Variants in PTPRG observed in about 807,000 individuals in gnomAD.
PTPRG encodes protein tyrosine phosphatase receptor type G, also known as receptor-type tyrosine-protein phosphatase gamma.
Under a neutral mutation model 165.3 loss-of-function variants are expected in PTPRG, and 102 were observed. The observed-to-expected ratio is 0.62, with a 90% CI of 0.53 to 0.73. The LOEUF (loss-of-function observed/expected upper bound fraction) is 0.73. PTPRG is among the 30% of genes least tolerant of loss of function. PTPRG has a pLI of 0.00. For missense variants in PTPRG, 1,866 were observed against 1,861.4 expected (o/e 1.00, Z -0.05); for synonymous variants, 675 against 669.5 (o/e 1.01, Z -0.13).
chr3:62,230,383 A>C (rs1700872473), intron 13 of PTPRG, among the ~76,000 whole-genome samples: 1 of 152,234 alleles, frequency 6.6e-6, no homozygotes, highest in Non-Finnish European at 1.5e-5. Context: ...GGGACTCAAC[A>C]GAACTTCCAA....
intron 5 of PTPRG, among the ~76,000 whole-genome samples, chr3:62,102,263 T>TCCTTTCTTC (rs1160012111): frequency 2.0e-5 from 3 of 152,046 alleles, no homozygotes; most frequent in Admixed American, 6.6e-5. Flanking sequence ...TTCCTTTCTT[T>TCCTTTCTTC]CCTTTCTTCC....
chr3:61,931,259 C>T (rs369266257), intron 2 of PTPRG, among the ~76,000 whole-genome samples: 5 of 152,152 alleles, frequency 3.3e-5, no homozygotes, highest in African/African-American at 4.8e-5. Flanking sequence ...GAAGGTTTTG[C>T]GATGTTGAGC....
At chr3:62,103,106 A>G (rs998998145) in intron 5 of PTPRG, among the ~76,000 whole-genome samples, 4 of 152,062 alleles carry the variant, frequency 2.6e-5, no homozygotes, top group Non-Finnish European at 5.9e-5. Flanking sequence ...TTTTTAAAAT[A>G]GACATTTTTT....
At chr3:61,813,474 C>T (rs1173729511) in intron 2 of PTPRG, among the ~76,000 whole-genome samples, 2 of 145,504 alleles carry the variant, frequency 1.4e-5, no homozygotes, top group Non-Finnish European at 3.0e-5. Flanking sequence ...TGAGATCGTG[C>T]CACTGCACTC....
intron 2 of PTPRG, among the ~76,000 whole-genome samples, chr3:61,855,429 T>G (rs1575725282): frequency 6.6e-6 from 1 of 152,176 alleles, no homozygotes; most frequent in African/African-American, 2.4e-5. Flanking sequence ...AACAGCAGGA[T>G]TCTTGCCCAA....
At chr3:61,627,221 C>T (rs78604505) in intron 1 of PTPRG, among the ~76,000 whole-genome samples, 4,520 of 151,938 alleles carry the variant, frequency 0.03, 224 homozygotes, top group African/African-American at 0.1. Context: ...TAAAAGAGTC[C>T]GTATCTTTTA....
intron 1 of PTPRG, among the ~76,000 whole-genome samples, chr3:61,567,227 TG>T (rs1699934074): frequency 6.6e-6 from 1 of 152,164 alleles, no homozygotes; most frequent in Non-Finnish European, 1.5e-5. Flanking sequence ...ATTTTCCACC[TG>T]AGCTTGATCT....
chr3:61,618,269 AAATT>A (rs962051411), intron 1 of PTPRG, among the ~76,000 whole-genome samples: 41 of 152,332 alleles, frequency 2.7e-4, no homozygotes, highest in African/African-American at 9.1e-4. Flanking sequence ...AAAATATAAA[AAATT>A]AAATAAAGTT....
intron 8 of PTPRG, among the ~76,000 whole-genome samples, chr3:62,174,504 G>A (rs534250831): frequency 1.1e-3 from 169 of 152,264 alleles, no homozygotes; most frequent in Non-Finnish European, 2.2e-3. Context: ...ATTGCTTCCT[G>A]TTTTGGTTAA....
At chr3:62,126,839 G>A (rs556688302) in intron 5 of PTPRG, among the ~76,000 whole-genome samples, 5 of 152,026 alleles carry the variant, frequency 3.3e-5, no homozygotes, top group African/African-American at 4.8e-5. Flanking sequence ...ATTCCTCTCC[G>A]ACTTATTTCA....
chr3:61,775,530 T>A lies in PTPRG; in HGVS notation c.190+26548T>A, dbSNP rs567612105. 3.3e-5 allele frequency among the ~76,000 whole-genome samples: 5 copies of A among 152,300 alleles called. No individual in the cohort carries two copies. The East Asian group carries it at 9.7e-4, about 29-fold the overall frequency. ...AAATGCTAACCTCATAATGGAAATC[T>A]TCTTTTTGATAATTTAGTCGATATT... On this transcript the variant is annotated intron_variant, in intron 2 of 29. Coordinates refer to ENST00000474889, the MANE Select transcript of PTPRG (RefSeq NM_002841.4).
rs551325778 is a variant in PTPRG at position 61,705,558 on chromosome 3, G to C, written c.86-43320G>C. Among the ~76,000 whole-genome samples the C allele has an allele frequency of 3.3e-5, 5 of 152,230 alleles. No individual in the cohort carries two copies. The South Asian group carries it at 1.0e-3, about 32-fold the overall frequency. On this transcript the variant is annotated intron_variant, in intron 1 of 29. Transcript: ENST00000474889. ...GTCGCCATCACCGCATCAAAGAAAGGATGCTTTGTCACCAAAGGAGTAGGA... is the reference window on the plus strand; with the variant it reads ...GTCGCCATCACCGCATCAAAGAAAGCATGCTTTGTCACCAAAGGAGTAGGA...
Position 62,281,242 on chromosome 3 carries a change from T to C in PTPRG, c.3766-321T>C, listed in dbSNP as rs562845559. 1.5e-3 allele frequency among the ~76,000 whole-genome samples: 232 copies of C among 152,186 alleles called. 1 individual carries two copies. The highest frequency in any genetic ancestry group is 2.0e-3 in the Non-Finnish European group (135 of 67,978). On this transcript the variant is annotated intron_variant, in intron 26 of 29. Transcript: ENST00000474889. The stretch of plus-strand genomic sequence containing the variant: ...GCAATTGTGAAATAACAAAATTAAC[T>C]GACCTAGATCCTGCTTTCTTTTTTA...
chr3:61,738,776 ATTTTT>A (rs2032862312), intron 1 of PTPRG, among the ~76,000 whole-genome samples: 1 of 149,790 alleles, frequency 6.7e-6, no homozygotes, highest in South Asian at 2.1e-4. Flanking sequence ...TTACTTCTTT[ATTTTT>A]ATTTTATTTT....
Position 62,277,693 on chromosome 3 carries a change from A to T in PTPRG, c.3765+14A>T, listed in dbSNP as rs746810565. On this transcript the variant is annotated intron_variant, in intron 26 of 29. Transcript: ENST00000474889. ...AACCAGAGCTTGGTAAGTAAAGCAC[A>T]TCTGCTATATATTAATGAGCCCATG... 3.1e-6 allele frequency: 5 copies of T among 1,611,430 alleles called. No individual in the cohort carries two copies. The Admixed American group carries it at 8.3e-5, about 27-fold the overall frequency.
At chr3:61,983,171 G>A (rs1477910101) in intron 2 of PTPRG, among the ~76,000 whole-genome samples, 3 of 151,992 alleles carry the variant, frequency 2.0e-5, no homozygotes, top group East Asian at 1.9e-4. Flanking sequence ...TCCATTTTTC[G>A]TGTACACACA....
At chr3:62,208,205 G>T (rs1360861591) in intron 12 of PTPRG, among the ~76,000 whole-genome samples, 4 of 152,004 alleles carry the variant, frequency 2.6e-5, no homozygotes, top group Non-Finnish European at 5.9e-5. Flanking sequence ...CTTTTTTCTA[G>T]CGTTTCTTTA....
chr3:61,886,152 C>T (rs2038030733), intron 2 of PTPRG, among the ~76,000 whole-genome samples: 1 of 152,100 alleles, frequency 6.6e-6, no homozygotes, highest in African/African-American at 2.4e-5. Flanking sequence ...GATAACTTCG[C>T]TATTCCTGCT....
intron 4 of PTPRG, among the ~76,000 whole-genome samples, chr3:62,064,721 A>ATTTTT (rs35605831): frequency 3.2e-5 from 2 of 62,886 alleles, no homozygotes; most frequent in Admixed American, 2.6e-4. Flanking sequence ...GGTTATTTGG[A>ATTTTT]TTTTTTTTTT....
Sources: gnomAD v4.1 joint callset for allele counts (sites outside exome capture counted in the v4.1 genomes callset) on GRCh38, gnomAD v4.1.1 for gene constraint, MANE v1.5 for transcripts, NCBI Gene and HGNC (gene_info 2026-07-23, HGNC 2026-07-21) for gene names.